C12orf42: variants seen among roughly 807,000 people sequenced by gnomAD.
C12orf42 encodes the protein chromosome 12 open reading frame 42.
C12orf42 carries 25 observed loss-of-function variants against 21.6 expected under a neutral mutation model. The observed-to-expected ratio is 1.16, with a 90% CI of 0.84 to 1.62. The LOEUF is 1.62. C12orf42 is among the 40% of genes most tolerant of loss of function. C12orf42 has a pLI of 0.00. For synonymous variants in C12orf42, 174 were observed against 175.0 expected, an observed-to-expected ratio of 0.99 and a Z score of 0.05; for missense variants, 483 against 459.3, an observed-to-expected ratio of 1.05 and a Z score of -0.47.
chr12:103,196,036 A>G, the C12orf42 span, among the ~76,000 whole-genome samples: 1 of 152,208 alleles, frequency 6.6e-6, no homozygotes, highest in African/African-American at 2.4e-5. Flanking sequence ...GACATCATTT[A>G]TTGTATAAGG....
At chr12:103,448,996 C>A (rs1458852019) in intron 2 of C12orf42, among the ~76,000 whole-genome samples, 1 of 151,938 alleles carries the variant, frequency 6.6e-6, no homozygotes, top group Non-Finnish European at 1.5e-5. Flanking sequence ...CTTGCACACA[C>A]ATGTTTATAG....
chr12:103,543,778 A>G, the C12orf42 span, among the ~76,000 whole-genome samples: 2 of 152,112 alleles, frequency 1.3e-5, no homozygotes, highest in Non-Finnish European at 2.9e-5. Context: ...CTTACTAATC[A>G]GTCTGTCTTT....
At chr12:103,369,774 C>T (rs2045022837) in intron 3 of C12orf42, among the ~76,000 whole-genome samples, 1 of 151,918 alleles carries the variant, frequency 6.6e-6, no homozygotes, top group Non-Finnish European at 1.5e-5. Flanking sequence ...ACTATAAAAA[C>T]CCAGAAAGAT....
At chr12:103,448,486 A>G (rs1191671490) in intron 2 of C12orf42, among the ~76,000 whole-genome samples, 6 of 152,132 alleles carry the variant, frequency 3.9e-5, no homozygotes, top group African/African-American at 1.4e-4. Flanking sequence ...AGAAATAATC[A>G]GCAGAGTTAA....
chr12:103,168,675 A>T, the C12orf42 span, among the ~76,000 whole-genome samples: 1 of 152,214 alleles, frequency 6.6e-6, no homozygotes, highest in East Asian at 1.9e-4. Context: ...TACCCAAAGG[A>T]TTATAAATCA....
At chr12:103,342,648 C>T (rs2042261833) in intron 4 of C12orf42, among the ~76,000 whole-genome samples, 1 of 146,346 alleles carries the variant, frequency 6.8e-6, no homozygotes, top group African/African-American at 2.5e-5. Flanking sequence ...ATTATATATT[C>T]ATTTCCCCAC....
chr12:103,119,058 A>G, the C12orf42 span, among the ~76,000 whole-genome samples: 1 of 152,234 alleles, frequency 6.6e-6, no homozygotes, highest in South Asian at 2.1e-4. Context: ...TTAAAGATAA[A>G]TGGACACGGA....
rs2038279453 is a variant in C12orf42, at chr12:103,306,059, AG to A, written c.545del (p.Pro182LeufsTer22). 1 of 1,613,860 alleles carries A rather than the reference AG, an allele frequency of 6.2e-7. No homozygotes were observed. The highest frequency in any genetic ancestry group is 1.3e-5 in the African/African-American group (1 of 74,934). On this transcript the variant is annotated frameshift_variant, in exon 5 of 6. Coordinates refer to ENST00000548883, the MANE Select transcript of C12orf42 (RefSeq NM_198521.5). LOFTEE classifies it high-confidence loss of function. ...KKPNWAHSVNPVHLEAQGIHI... is the reference protein window; with the variant it reads ...KKPNWAHSVNXVHLEAQGIHI... ...GTATGCCCTGAGCCTCCAGGTGAAC[AG>A]GATTTACTGAGTGTGCCCAGTTAGG...
At chr12:103,366,647 T>G (rs2044629844) in intron 4 of C12orf42, among the ~76,000 whole-genome samples, 1 of 151,740 alleles carries the variant, frequency 6.6e-6, no homozygotes, top group Admixed American at 6.6e-5. Context: ...AGAAGTGGGC[T>G]AGGGACATGA....
chr12:103,483,823 C>T (rs1345766250), intron 1 of C12orf42, among the ~76,000 whole-genome samples: 3 of 152,126 alleles, frequency 2.0e-5, no homozygotes, highest in Non-Finnish European at 2.9e-5. Context: ...GCCCCCACCA[C>T]ATGACAGGCC....
At chr12:103,057,609 C>T in the C12orf42 span, among the ~76,000 whole-genome samples, 1 of 152,062 alleles carries the variant, frequency 6.6e-6, no homozygotes, top group Non-Finnish European at 1.5e-5. Context: ...CATTGATGGG[C>T]ATTTGGGTTG....
In C12orf42 at chr12:103,421,191, GGA is replaced by G. The variant is rs561518547; in HGVS notation, c.79-19518_79-19517del. ...GAGAGGCCCAGGGGCTAATGACAAG[GGA>G]GAAAAAATAGAGAAGGGAAGAAGAT... On this transcript the variant is annotated intron_variant, in intron 2 of 5. Coordinates refer to ENST00000548883, the MANE Select transcript of C12orf42 (RefSeq NM_198521.5). 9.9e-5 allele frequency among the ~76,000 whole-genome samples: 15 copies of G among 152,130 alleles called. No homozygotes were observed. The East Asian group carries it at 2.7e-3, about 27-fold the overall frequency.
chr12:103,466,527 T>C (rs1953143036), intron 2 of C12orf42, among the ~76,000 whole-genome samples: 1 of 152,172 alleles, frequency 6.6e-6, no homozygotes, highest in Admixed American at 6.5e-5. Context: ...TTATCACTTT[T>C]AATAATAGGT....
intron 2 of C12orf42, among the ~76,000 whole-genome samples, chr12:103,458,339 T>A (rs1237123449): frequency 1.3e-5 from 2 of 150,542 alleles, no homozygotes; most frequent in Non-Finnish European, 3.0e-5. Flanking sequence ...AAAAAAAAAA[T>A]AGTACTTTTC....
In C12orf42 at chr12:103,402,222, C is replaced by G. The variant is rs544925451; in HGVS notation, c.79-547G>C. Among the ~76,000 whole-genome samples, 4 of 152,254 alleles carry G rather than the reference C, an allele frequency of 2.6e-5. No individual in the cohort carries two copies. In the East Asian group the frequency reaches 5.8e-4, roughly 22 times the overall value. On this transcript the variant is annotated intron_variant, in intron 2 of 5. Transcript: ENST00000548883. Reference sequence around the variant, plus strand: ...GAAACCTGTGAATGAAACAAATCTACAATACGTGCAATAGGTATACTCAGG... The same window carrying G: ...GAAACCTGTGAATGAAACAAATCTAGAATACGTGCAATAGGTATACTCAGG...
chr12:103,273,993 C>T (rs888524354), intron 5 of C12orf42: 9 of 452,416 alleles, frequency 2.0e-5, no homozygotes, highest in Non-Finnish European at 4.0e-5. Flanking sequence ...AAGAGCACTC[C>T]TATTGCCCTG....
intron 1 of C12orf42, among the ~76,000 whole-genome samples, chr12:103,487,986 G>C (rs1954948812): frequency 6.6e-6 from 1 of 152,156 alleles, no homozygotes; most frequent in Admixed American, 6.5e-5. Context: ...GTGTGAATTT[G>C]ATCCTGTTAT....
At chr12:103,555,245 G>A in the C12orf42 span, among the ~76,000 whole-genome samples, 3 of 152,158 alleles carry the variant, frequency 2.0e-5, no homozygotes, top group Non-Finnish European at 4.4e-5. Context: ...ACGTGGCTGG[G>A]GAGGCCTCAC....
chr12:103,234,847 T>A (rs983761415), downstream of C12orf42, among the ~76,000 whole-genome samples: 1 of 152,204 alleles, frequency 6.6e-6, no homozygotes, highest in Non-Finnish European at 1.5e-5. Context: ...TATTTTACAC[T>A]GCATGATAAT....
Sources: gnomAD v4.1 joint callset for allele counts (sites outside exome capture counted in the v4.1 genomes callset) on GRCh38, gnomAD v4.1.1 for gene constraint, MANE v1.5 for transcripts, NCBI Gene and HGNC (gene_info 2026-07-23, HGNC 2026-07-21) for gene names.